Variants in CCSER1 observed in about 807,000 individuals in gnomAD.
The protein encoded by CCSER1 is coiled-coil serine rich protein 1.
Under a neutral mutation model 82.0 loss-of-function variants are expected in CCSER1, and 41 were observed. The ratio of observed to expected loss-of-function variants is 0.50; its 90% CI spans 0.39 to 0.65. The LOEUF (loss-of-function observed/expected upper bound fraction) is 0.65. Ranked by LOEUF, CCSER1 falls within the 30% of genes least tolerant of loss-of-function variation. The pLI is 0.00. For synonymous variants in CCSER1, 414 were observed against 383.9 expected (o/e 1.08, Z -0.92); for missense variants, 1,119 against 1,064.2 (o/e 1.05, Z -0.72).
At chr4:90,980,126 C>T (rs1001312405) in intron 9 of CCSER1, among the ~76,000 whole-genome samples, 1 of 151,830 alleles carries the variant, frequency 6.6e-6, no homozygotes, top group African/African-American at 2.4e-5. Context: ...AAAGGTGATA[C>T]TTCATCAGAG....
intron 10 of CCSER1, among the ~76,000 whole-genome samples, chr4:91,456,764 A>G (rs749193677): frequency 3.3e-5 from 5 of 152,140 alleles, no homozygotes; most frequent in South Asian, 2.1e-4. Flanking sequence ...TTTCAGGAAT[A>G]TACTTAAGTT....
chr4:91,259,880 A>T (rs1740978042), intron 10 of CCSER1, among the ~76,000 whole-genome samples: 1 of 152,164 alleles, frequency 6.6e-6, no homozygotes. Flanking sequence ...TGCTATTGTG[A>T]ATAGTGCTGC....
intron 10 of CCSER1, among the ~76,000 whole-genome samples, chr4:91,165,305 C>A (rs182666801): frequency 3.6e-3 from 555 of 152,276 alleles, no homozygotes; most frequent in Non-Finnish European, 6.0e-3. Flanking sequence ...AATACTGCTG[C>A]CTGATCCTTC....
intron 5 of CCSER1, among the ~76,000 whole-genome samples, chr4:90,588,096 T>C (rs181434783): frequency 9.0e-4 from 137 of 152,326 alleles, no homozygotes; most frequent in African/African-American, 2.8e-3. Flanking sequence ...TTTTGGCTAT[T>C]GGAGGGCCTG....
intron 6 of CCSER1, among the ~76,000 whole-genome samples, chr4:90,702,846 A>G (rs1459945944): frequency 6.6e-6 from 1 of 152,054 alleles, no homozygotes; most frequent in Non-Finnish European, 1.5e-5. Context: ...TATTGCGTCT[A>G]TTTGATTCTT....
intron 1 of CCSER1, among the ~76,000 whole-genome samples, chr4:90,267,002 C>T (rs1725358384): frequency 6.6e-6 from 1 of 151,932 alleles, no homozygotes; most frequent in Admixed American, 6.6e-5. Flanking sequence ...TAAGTAGCAG[C>T]TCTGCCACTG....
In CCSER1 at chr4:91,504,644, A is replaced by T. The variant is rs1004452318; in HGVS notation, c.2218-93928A>T. ...GACATCATTAAGGATAAATTGCAAAACTATCATAATTTTTAAATTTGACAC... is the reference window on the plus strand; with the variant it reads ...GACATCATTAAGGATAAATTGCAAATCTATCATAATTTTTAAATTTGACAC... On this transcript the variant is annotated intron_variant, in intron 10 of 10. Transcript: ENST00000509176. Among the ~76,000 whole-genome samples, 6 of 152,164 alleles carry T rather than the reference A, an allele frequency of 3.9e-5. No homozygotes were observed. In the South Asian group the frequency reaches 1.2e-3, roughly 31 times the overall value.
At chr4:90,359,074 G>A (rs915846576) in intron 3 of CCSER1, among the ~76,000 whole-genome samples, 1 of 152,092 alleles carries the variant, frequency 6.6e-6, no homozygotes, top group Admixed American at 6.6e-5. Flanking sequence ...GATGTGTTAC[G>A]AATTCAGAGA....
intron 5 of CCSER1, among the ~76,000 whole-genome samples, chr4:90,494,372 C>T (rs538933115): frequency 4.6e-5 from 7 of 152,254 alleles, no homozygotes; most frequent in Admixed American, 2.6e-4. Flanking sequence ...AGAAAGTTAG[C>T]GAGGATATCC....
At chr4:91,404,511 C>T (rs1253312288) in intron 10 of CCSER1, among the ~76,000 whole-genome samples, 1 of 152,020 alleles carries the variant, frequency 6.6e-6, no homozygotes, top group Non-Finnish European at 1.5e-5. Flanking sequence ...TAGATCTTTC[C>T]TGCTTCTCTT....
intron 1 of CCSER1, among the ~76,000 whole-genome samples, chr4:90,175,386 A>G (rs1467333048): frequency 6.6e-6 from 1 of 151,986 alleles, no homozygotes; most frequent in Non-Finnish European, 1.5e-5. Context: ...GGGAAGGAGA[A>G]ATTAAATAAA....
At chr4:90,605,861 A>G (rs1400679928) in intron 5 of CCSER1, among the ~76,000 whole-genome samples, 1 of 152,158 alleles carries the variant, frequency 6.6e-6, no homozygotes, top group Non-Finnish European at 1.5e-5. Context: ...TGAGTTCAAC[A>G]ATGTATTCTT....
At chr4:91,546,954 A>G (rs1283862605) in intron 10 of CCSER1, among the ~76,000 whole-genome samples, 1 of 147,638 alleles carries the variant, frequency 6.8e-6, no homozygotes, top group East Asian at 2.0e-4. Context: ...AATATTTTTT[A>G]AATTTCTCTT....
chr4:91,401,234 TTA>T (rs1295259960), intron 10 of CCSER1, among the ~76,000 whole-genome samples: 4 of 150,068 alleles, frequency 2.7e-5, no homozygotes, highest in African/African-American at 9.7e-5. Flanking sequence ...ATATGGTGAA[TTA>T]TATATGTGTA....
chr4:91,161,197 A>G (rs768628669), intron 10 of CCSER1, among the ~76,000 whole-genome samples: 7 of 152,160 alleles, frequency 4.6e-5, no homozygotes, highest in Non-Finnish European at 7.3e-5. Context: ...AGATTTGTCA[A>G]AAATCAGATG....
chr4:90,652,095 A>G (rs1728859763), intron 6 of CCSER1, among the ~76,000 whole-genome samples: 1 of 152,212 alleles, frequency 6.6e-6, no homozygotes, highest in Admixed American at 6.5e-5. Context: ...ATTGAGTAAA[A>G]TATCAGACCC....
chr4:90,560,699 A>C (rs1454284470), intron 5 of CCSER1, among the ~76,000 whole-genome samples: 1 of 152,126 alleles, frequency 6.6e-6, no homozygotes, highest in African/African-American at 2.4e-5. Context: ...TTCTCATATA[A>C]TGTTAAGTTG....
intron 9 of CCSER1, among the ~76,000 whole-genome samples, chr4:91,006,982 A>G (rs905388299): frequency 3.9e-5 from 6 of 152,172 alleles, no homozygotes; most frequent in Admixed American, 3.9e-4. Flanking sequence ...AGTTTTTATC[A>G]TGAGAAAACA....
chr4:90,267,006 G>T (rs546959030), intron 1 of CCSER1, among the ~76,000 whole-genome samples: 1 of 152,044 alleles, frequency 6.6e-6, no homozygotes, highest in African/African-American at 2.4e-5. Flanking sequence ...TAGCAGCTCT[G>T]CCACTGTGGG....
Sources: allele counts gnomAD v4.1 joint callset (sites outside exome capture counted in the v4.1 genomes callset), GRCh38; gene constraint gnomAD v4.1.1; transcripts MANE v1.5; gene names NCBI Gene and HGNC (gene_info 2026-07-23, HGNC 2026-07-21).